Variants in TENM2 observed in about 807,000 individuals in gnomAD.
TENM2 encodes teneurin-2.
A neutral mutation model predicts 245.2 loss-of-function variants in TENM2; 52 were observed. The observed-to-expected ratio is 0.21, with a 90% CI of 0.17 to 0.27. The LOEUF is 0.27. Ranked by LOEUF, TENM2 falls within the 10% of genes least tolerant of loss-of-function variation. TENM2 has a pLI of 1.00. For synonymous variants in TENM2, 1,363 were observed against 1,438.9 expected (o/e 0.95, Z 1.19); for missense variants, 3,046 against 3,666.8 (o/e 0.83, Z 4.37).
chr5:167,473,206 C>A (rs150758357), intron 2 of TENM2, among the ~76,000 whole-genome samples: 1 of 152,110 alleles, frequency 6.6e-6, no homozygotes, highest in African/African-American at 2.4e-5. Flanking sequence ...AGCATAACTG[C>A]CCTTTAGGTT....
chr5:167,249,329 G>A, the TENM2 span, among the ~76,000 whole-genome samples: 3 of 152,116 alleles, frequency 2.0e-5, no homozygotes, highest in Non-Finnish European at 4.4e-5. Context: ...AAGGAAGGGA[G>A]TGGTAAATTA....
intron 4 of TENM2, among the ~76,000 whole-genome samples, chr5:167,985,325 G>A (rs80070979): frequency 0.013 from 1,952 of 152,096 alleles, 27 homozygotes; most frequent in Non-Finnish European, 0.016. Context: ...GTTTTCATCC[G>A]CTCCTCTGAA....
At chr5:167,020,938 G>A in the TENM2 span, among the ~76,000 whole-genome samples, 3 of 152,312 alleles carry the variant, frequency 2.0e-5, no homozygotes, top group Admixed American at 6.5e-5. Context: ...GAGCTTAGGA[G>A]TTCGAGTGCA....
intron 2 of TENM2, among the ~76,000 whole-genome samples, chr5:167,484,487 T>C (rs955553896): frequency 1.3e-5 from 2 of 152,034 alleles, no homozygotes; most frequent in Non-Finnish European, 1.5e-5. Context: ...AACAGACCCT[T>C]CCCTCCCAGC....
chr5:167,355,134 G>C (rs1035143866), intron 1 of TENM2, among the ~76,000 whole-genome samples: 4 of 152,212 alleles, frequency 2.6e-5, no homozygotes, highest in Admixed American at 2.0e-4. Flanking sequence ...TTGGTTCTTA[G>C]CACACCTTTC....
intron 25 of TENM2, among the ~76,000 whole-genome samples, chr5:168,238,246 AAAGAAAAG>A (rs1485006512): frequency 3.5e-5 from 5 of 143,516 alleles, no homozygotes; most frequent in Admixed American, 1.4e-4. Context: ...AAAGAAAAGA[AAAGAAAAG>A]AAAAGAAAAG....
chr5:167,889,929 C>A (rs1292737179), intron 3 of TENM2, among the ~76,000 whole-genome samples: 1 of 152,076 alleles, frequency 6.6e-6, no homozygotes, highest in Non-Finnish European at 1.5e-5. Flanking sequence ...CAGACTTGGC[C>A]TTTTCTGCCG....
chr5:168,084,034 C>T (rs1406235075), intron 7 of TENM2, among the ~76,000 whole-genome samples: 2 of 152,204 alleles, frequency 1.3e-5, no homozygotes, highest in East Asian at 3.8e-4. Context: ...TCTTCTGTTC[C>T]TATATTTATT....
chr5:167,170,835 C>T, the TENM2 span, among the ~76,000 whole-genome samples: 1 of 152,184 alleles, frequency 6.6e-6, no homozygotes, highest in African/African-American at 2.4e-5. Context: ...ACTTGATCTA[C>T]CCCAGGATTT....
In TENM2 at chr5:167,703,623, G is replaced by A. The variant is rs192988057; in HGVS notation, c.503-172363G>A. On this transcript the variant is annotated intron_variant, in intron 2 of 28. Transcript: ENST00000518659. ...ACTTGTTAAACAAAGAAGACTCTCC[G>A]TAGGATTACTTTATATCATTTAGAA... is the stretch of plus-strand genomic sequence containing the variant. Among the ~76,000 whole-genome samples, 310 of 151,532 alleles carry A rather than the reference G, an allele frequency of 2.0e-3. 2 individuals carry two copies. Among genetic ancestry groups the A allele is most frequent in the South Asian group, 0.011 (55 of 4,796 alleles).
At chr5:167,988,348 G>T (rs1234322945) in intron 4 of TENM2, among the ~76,000 whole-genome samples, 1 of 152,164 alleles carries the variant, frequency 6.6e-6, no homozygotes, top group Non-Finnish European at 1.5e-5. Flanking sequence ...AGGATGCGGC[G>T]TGAACAAAAT....
intron 2 of TENM2, among the ~76,000 whole-genome samples, chr5:167,480,019 A>G (rs1767657248): frequency 6.6e-6 from 1 of 152,206 alleles, no homozygotes. Flanking sequence ...CGTCTAAGGC[A>G]TTTGCAACCA....
chr5:167,045,725 G>C, the TENM2 span, among the ~76,000 whole-genome samples: 1 of 152,168 alleles, frequency 6.6e-6, no homozygotes, highest in Non-Finnish European at 1.5e-5. Context: ...AGCAACTCTA[G>C]GGGAGGCAGA....
At chr5:168,202,876 C>T (rs1484501828) in intron 17 of TENM2, among the ~76,000 whole-genome samples, 1 of 152,120 alleles carries the variant, frequency 6.6e-6, no homozygotes, top group African/African-American at 2.4e-5. Flanking sequence ...AGCAGCATTC[C>T]AATTAAAAAT....
At chr5:167,239,532 G>C in the TENM2 span, among the ~76,000 whole-genome samples, 1 of 152,130 alleles carries the variant, frequency 6.6e-6, no homozygotes, top group East Asian at 1.9e-4. Context: ...GGTTGCCATA[G>C]TGTCGGAACT....
chr5:167,138,708 C>G, the TENM2 span, among the ~76,000 whole-genome samples: 1 of 152,136 alleles, frequency 6.6e-6, no homozygotes, highest in Non-Finnish European at 1.5e-5. Context: ...CTGCAACCTC[C>G]GCCTCCTGGG....
the TENM2 span, among the ~76,000 whole-genome samples, chr5:167,172,257 T>C: frequency 6.6e-6 from 1 of 152,302 alleles, no homozygotes; most frequent in South Asian, 2.1e-4. Flanking sequence ...AAGGGTGATC[T>C]TTTCTTTTCT....
At chr5:167,072,779 G>A in the TENM2 span, among the ~76,000 whole-genome samples, 4 of 152,146 alleles carry the variant, frequency 2.6e-5, no homozygotes, top group African/African-American at 9.7e-5. Flanking sequence ...AAATGTAAAA[G>A]TCAGCAAAAT....
intron 5 of TENM2, among the ~76,000 whole-genome samples, chr5:168,004,511 GCGCGCGCACACACACACA>G (rs1784661958): frequency 1.3e-5 from 1 of 77,222 alleles, no homozygotes; most frequent in African/African-American, 5.9e-5. Context: ...ACGCATGCGC[GCGCGCGCACACACACACA>G]CACACACACA....
Sources: allele counts gnomAD v4.1 joint callset (sites outside exome capture counted in the v4.1 genomes callset), GRCh38; gene constraint gnomAD v4.1.1; transcripts MANE v1.5; gene names NCBI Gene and HGNC (gene_info 2026-07-23, HGNC 2026-07-21).